IL1RAPL1: variants seen among roughly 807,000 people sequenced by gnomAD.
IL1RAPL1 encodes interleukin-1 receptor accessory protein-like 1.
A neutral mutation model predicts 48.4 loss-of-function variants in IL1RAPL1; 3 were observed. The observed-to-expected ratio is 0.06, with a 90% CI of 0.03 to 0.16. The LOEUF is 0.16. Among genes scored for constraint, IL1RAPL1 ranks in the 10% least tolerant of loss-of-function variants. The pLI, the probability that IL1RAPL1 is intolerant of heterozygous loss-of-function variation, is 1.00. For synonymous variants in IL1RAPL1, 185 were observed against 187.7 expected (o/e 0.99, Z 0.12); for missense variants, 349 against 530.6 (o/e 0.66, Z 3.36).
intron 1 of IL1RAPL1, among the ~76,000 whole-genome samples, chrX:28,727,566 A>G (rs1288865136): frequency 1.9e-5 from 2 of 105,689 alleles, no homozygotes; most frequent in African/African-American, 7.0e-5. Flanking sequence ...AACTTCCAAC[A>G]CTATGTTGAA....
At chrX:29,861,952 C>A (rs769124158) in intron 6 of IL1RAPL1, among the ~76,000 whole-genome samples, 71 of 111,084 alleles carry the variant, frequency 6.4e-4, no homozygotes, top group South Asian at 5.7e-3. Context: ...CCTGTAATCC[C>A]AGCACATTGG....
chrX:29,441,617 G>A (rs868462233), intron 5 of IL1RAPL1, among the ~76,000 whole-genome samples: 3 of 111,619 alleles, frequency 2.7e-5, no homozygotes, highest in South Asian at 7.5e-4. Flanking sequence ...TTCCTGTTGC[G>A]GTGGATATTT....
In IL1RAPL1 at chrX:29,085,535, T is replaced by G. The variant is rs542174678; in HGVS notation, c.83-197403T>G. On this transcript the variant is annotated intron_variant, in intron 2 of 10. Transcript: ENST00000378993. ...GTTAGGGAAACTCAGATACAGAGGA[T>G]TTAGCTTGCCCAAGATCACATAGTA... 3.2e-4 allele frequency among the ~76,000 whole-genome samples: 36 copies of G among 112,083 alleles called. No homozygotes were observed. In the South Asian group the frequency reaches 0.013, roughly 42 times the overall value.
At chrX:29,587,175 T>A (rs772451866) in intron 5 of IL1RAPL1, among the ~76,000 whole-genome samples, 2 of 111,430 alleles carry the variant, frequency 1.8e-5, no homozygotes, top group East Asian at 5.6e-4. Flanking sequence ...AGTTATTCTT[T>A]CATGTGTTAT....
chrX:29,305,554 T>C (rs1042744493), intron 3 of IL1RAPL1, among the ~76,000 whole-genome samples: 1 of 111,769 alleles, frequency 8.9e-6, no homozygotes, highest in Admixed American at 9.5e-5. Context: ...CTGGTATGCA[T>C]TTCAAAAGAG....
intron 2 of IL1RAPL1, among the ~76,000 whole-genome samples, chrX:29,087,464 A>G (rs1203023590): frequency 9.0e-6 from 1 of 111,305 alleles, no homozygotes; most frequent in African/African-American, 3.3e-5. Context: ...TATCGACAGC[A>G]ACTACAAACA....
chrX:29,363,481 G>C (rs952032985), intron 3 of IL1RAPL1, among the ~76,000 whole-genome samples: 1 of 111,721 alleles, frequency 9.0e-6, no homozygotes, highest in African/African-American at 3.3e-5. Context: ...GCATAGATTA[G>C]TATATGCCCA....
chrX:29,921,053 T>C (rs1161901387), intron 8 of IL1RAPL1, among the ~76,000 whole-genome samples: 2 of 111,648 alleles, frequency 1.8e-5, no homozygotes, highest in Admixed American at 9.5e-5. Context: ...AAGTGCAATG[T>C]CTGTTGTGCT....
At chrX:28,881,518 G>A (rs1922501504) in intron 2 of IL1RAPL1, among the ~76,000 whole-genome samples, 1 of 111,735 alleles carries the variant, frequency 8.9e-6, no homozygotes, top group South Asian at 3.7e-4. Flanking sequence ...ATGCCCACCA[G>A]AAAGTAGATA....
chrX:29,598,898 C>T (rs1410115436), intron 5 of IL1RAPL1, among the ~76,000 whole-genome samples: 3 of 111,957 alleles, frequency 2.7e-5, no homozygotes, highest in South Asian at 3.7e-4. Flanking sequence ...TTTTCCTCCC[C>T]TTTACCTTAA....
At chrX:28,947,358 G>A (rs185134821) in intron 2 of IL1RAPL1, among the ~76,000 whole-genome samples, 126 of 111,665 alleles carry the variant, frequency 1.1e-3, no homozygotes, top group African/African-American at 3.9e-3. Flanking sequence ...GTTTATTCAC[G>A]TATTCAAATT....
chrX:29,121,009 G>A (rs1382515668), intron 2 of IL1RAPL1, among the ~76,000 whole-genome samples: 1 of 111,930 alleles, frequency 8.9e-6, no homozygotes, highest in Non-Finnish European at 1.9e-5. Flanking sequence ...ATCAATAGAG[G>A]CAGAAAAAGC....
intron 2 of IL1RAPL1, among the ~76,000 whole-genome samples, chrX:29,206,035 G>A (rs578235512): frequency 4.8e-4 from 53 of 111,131 alleles, no homozygotes; most frequent in African/African-American, 1.6e-3. Context: ...GAGCCACTGC[G>A]CCTGGCCGAT....
intron 5 of IL1RAPL1, among the ~76,000 whole-genome samples, chrX:29,511,239 G>T (rs1441921437): frequency 8.9e-6 from 1 of 111,784 alleles, no homozygotes; most frequent in African/African-American, 3.2e-5. Flanking sequence ...ACACAATACT[G>T]GGCATGCAGT....
At position 29,741,919 on chromosome X, in the gene IL1RAPL1, C is replaced by T. The variant is rs767684389; in HGVS notation, c.778+73415C>T. On this transcript the variant is annotated intron_variant, in intron 6 of 10. Transcript: ENST00000378993. ...CAGCCTGGGCAATAGAGCGAGACTC[C>T]GTCAAAAAAAAAAAAGAAAAAAAAA... Among the ~76,000 whole-genome samples the T allele has an allele frequency of 3.9e-3, 303 of 78,670 alleles. 2 individuals are homozygous for T. Among genetic ancestry groups the T allele is most frequent in the Middle Eastern group, 0.015 (2 of 135 alleles). The allele number at this position is 78,670 out of a possible 115,157, so 68.3% of individuals were successfully genotyped here.
chrX:29,484,489 A>T (rs1294937600), intron 5 of IL1RAPL1, among the ~76,000 whole-genome samples: 2 of 112,256 alleles, frequency 1.8e-5, no homozygotes, highest in Non-Finnish European at 3.8e-5. Context: ...ACCATAGCAC[A>T]CAATAAACGA....
At chrX:29,306,586 G>C (rs1932626624) in intron 3 of IL1RAPL1, among the ~76,000 whole-genome samples, 2 of 102,827 alleles carry the variant, frequency 1.9e-5, no homozygotes, top group Admixed American at 2.1e-4. Context: ...TTTATGGCCA[G>C]GCGCAGTGGC....
chrX:29,723,412 C>G (rs770372274), intron 6 of IL1RAPL1, among the ~76,000 whole-genome samples: 116 of 111,794 alleles, frequency 1.0e-3, no homozygotes, highest in African/African-American at 3.6e-3. Flanking sequence ...CCACGCCTGG[C>G]TTATTTTTGT....
chrX:29,532,762 G>C (rs773031938), intron 5 of IL1RAPL1, among the ~76,000 whole-genome samples: 5 of 112,090 alleles, frequency 4.5e-5, no homozygotes, highest in Middle Eastern at 8.4e-3. Flanking sequence ...CAGTGCCCAT[G>C]ATGGCCTTTC....
Sources: gnomAD v4.1 joint callset for allele counts (sites outside exome capture counted in the v4.1 genomes callset) on GRCh38, gnomAD v4.1.1 for gene constraint, MANE v1.5 for transcripts, NCBI Gene and HGNC (gene_info 2026-07-23, HGNC 2026-07-21) for gene names.